Variants in ENTPD1 observed in about 807,000 individuals in gnomAD.
ENTPD1 encodes ATP diphosphohydrolase.
In ENTPD1, 33 loss-of-function variants were observed where a neutral mutation model predicts 57.0. The observed-to-expected ratio is 0.58, with a 90% CI of 0.44 to 0.77. ENTPD1 has a LOEUF of 0.77. Ranked by LOEUF, ENTPD1 falls within the 30% of genes least tolerant of loss-of-function variation. The pLI is 0.00. For synonymous variants in ENTPD1, 202 were observed against 218.8 expected, an observed-to-expected ratio of 0.92 and a Z score of 0.68; for missense variants, 501 against 603.4, an observed-to-expected ratio of 0.83 and a Z score of 1.78.
upstream of ENTPD1, among the ~76,000 whole-genome samples, chr10:95,753,019 A>G (rs760458382): frequency 6.6e-6 from 1 of 152,194 alleles, no homozygotes; most frequent in Non-Finnish European, 1.5e-5. Context: ...GGTACAGTGA[A>G]AGAGGATGAA....
chr10:95,825,873 C>T (rs12782273), intron 2 of ENTPD1, among the ~76,000 whole-genome samples: 17,890 of 152,184 alleles, frequency 0.12, 1,159 homozygotes, highest in Middle Eastern at 0.23. Flanking sequence ...CCACCGTGCC[C>T]GGCTGATACA....
chr10:95,738,637 C>A (rs186021736), intron 1 of ENTPD1, among the ~76,000 whole-genome samples: 10 of 152,272 alleles, frequency 6.6e-5, no homozygotes, highest in Admixed American at 3.3e-4. Context: ...AACCAAGACT[C>A]ACCATAAATA....
chr10:95,868,203 C>A lies in ENTPD1; in HGVS notation c.*1820C>A, dbSNP rs2098476494. ...AAGTCATTTGCCCAAATGGCTGAGC[C>A]AAAGCCTACCATGTACCTAACCTTT... On this transcript the variant is annotated 3_prime_UTR_variant, in exon 10 of 10. Transcript: ENST00000371205. 6 of 985,456 alleles carry A rather than the reference C, an allele frequency of 6.1e-6. No individual in the cohort carries two copies. The highest frequency in any genetic ancestry group is 3.6e-6 in the Non-Finnish European group (3 of 829,936). The allele number at this position is 985,456 out of a possible 1,614,324, so 61.0% of individuals were successfully genotyped here. A position where few individuals can be genotyped will look rare whatever the true frequency, so the allele number is the denominator to read the frequency against.
At chr10:95,786,108 C>T in intron 1 of ENTPD1, among the ~76,000 whole-genome samples, 1 of 152,092 alleles carries the variant, frequency 6.6e-6, no homozygotes, top group East Asian at 1.9e-4. Flanking sequence ...CTCCTGACCC[C>T]TTATGTCCTC....
chr10:95,700,449 G>T, the ENTPD1 span, among the ~76,000 whole-genome samples: 147 of 152,264 alleles, frequency 9.7e-4, no homozygotes, highest in African/African-American at 3.4e-3. Flanking sequence ...CAGGAGGATC[G>T]CTTGAGGCTG....
chr10:95,844,846 G>A, intron 5 of ENTPD1: 1 of 668,562 alleles, frequency 1.5e-6, no homozygotes, highest in Non-Finnish European at 2.6e-6. Context: ...GGGAGAATAA[G>A]GACATGTCTT....
chr10:95,841,162 G>A (rs11188501), intron 3 of ENTPD1, among the ~76,000 whole-genome samples: 40,863 of 151,972 alleles, frequency 0.27, 6,339 homozygotes, highest in Admixed American at 0.38. Flanking sequence ...TGAGGTGGGC[G>A]GATCACAAGG....
chr10:95,752,392 C>G (rs898783241), upstream of ENTPD1, among the ~76,000 whole-genome samples: 1 of 152,144 alleles, frequency 6.6e-6, no homozygotes, highest in African/African-American at 2.4e-5. Flanking sequence ...CAGTGTCTCA[C>G]GCCTGTAATC....
Position 95,873,089 on chromosome 10 carries a change from G to A in ENTPD1, c.*6706G>A, listed in dbSNP as rs1262006760. On this transcript the variant is annotated 3_prime_UTR_variant, in exon 10 of 10. Transcript: ENST00000371205. Reference sequence around the variant, plus strand: ...TTAATTAATATAAATAATTCAGTAGGTCTGGGGTGAGGCCTGAGGTTTTAC... The same window carrying A: ...TTAATTAATATAAATAATTCAGTAGATCTGGGGTGAGGCCTGAGGTTTTAC... The A allele has an allele frequency of 1.1e-6, 1 of 927,844 alleles. No homozygotes were observed. Among genetic ancestry groups the A allele is most frequent in the African/African-American group, 1.8e-5 (1 of 55,920 alleles). The allele number at this position is 927,844 out of a possible 1,614,324, so 57.5% of individuals were successfully genotyped here.
Position 95,869,946 on chromosome 10 carries a change from C to G in ENTPD1, c.*3563C>G. 1.0e-6 allele frequency: 1 copy of G among 985,062 alleles called. No individual in the cohort carries two copies. Among genetic ancestry groups the G allele is most frequent in the Non-Finnish European group, 1.2e-6 (1 of 829,616 alleles). The allele number at this position is 985,062 out of a possible 1,614,324, so 61.0% of individuals were successfully genotyped here. On this transcript the variant is annotated 3_prime_UTR_variant, in exon 10 of 10. Transcript: ENST00000371205. Reference sequence around the variant, plus strand: ...TGTGGCTTGTAGCTACCATACTGGACAGCACATGTCCAAAAAAATACACGT... The same window carrying G: ...TGTGGCTTGTAGCTACCATACTGGAGAGCACATGTCCAAAAAAATACACGT...
chr10:95,761,357 T>G (rs146595880), intron 1 of ENTPD1, among the ~76,000 whole-genome samples: 6 of 152,268 alleles, frequency 3.9e-5, no homozygotes, highest in African/African-American at 1.4e-4. Flanking sequence ...CAGATTCTGA[T>G]CCAATAGCTC....
Position 95,876,554 on chromosome 10 carries a change from C to T in ENTPD1, c.*10171C>T. 8.1e-7 allele frequency: 1 copy of T among 1,230,980 alleles called. No individual in the cohort carries two copies. The highest frequency in any genetic ancestry group is 1.0e-6 in the Non-Finnish European group (1 of 987,468). The allele number at this position is 1,230,980 out of a possible 1,614,324, so 76.3% of individuals were successfully genotyped here. A position where few individuals can be genotyped will look rare whatever the true frequency, so the allele number is the denominator to read the frequency against. The stretch of plus-strand genomic sequence containing the variant: ...TCAACTGAACCATCTTCTTGGAGTA[C>T]TCATGAAGATGGAAGTCTACATGGA... On this transcript the variant is annotated 3_prime_UTR_variant, in exon 10 of 10. Coordinates refer to ENST00000371205, the MANE Select transcript of ENTPD1 (RefSeq NM_001776.6).
intron 1 of ENTPD1, among the ~76,000 whole-genome samples, chr10:95,739,277 T>C (rs2097997794): frequency 6.6e-6 from 1 of 152,196 alleles, no homozygotes; most frequent in African/African-American, 2.4e-5. Context: ...CCACATCAAT[T>C]GACTCTTCCT....
At chr10:95,704,790 A>G in the ENTPD1 span, among the ~76,000 whole-genome samples, 14 of 152,176 alleles carry the variant, frequency 9.2e-5, no homozygotes, top group South Asian at 1.2e-3. Context: ...TCTTGTTAAC[A>G]TTGAGAATTT....
At position 95,847,676 on chromosome 10, in the gene ENTPD1, T is replaced by C; in HGVS notation, c.1044T>C (p.Ile348=). The change falls in exon 7 of 10, where the codon ATT becomes ATC. Residue 348 remains isoleucine, a synonymous_variant. Transcript: ENST00000371205. ...ACTCCCAGTGTGCCTTCAATGGGAT[T>C]TTCTTGCCACCACTCCAGGGGGATT... The part of the protein sequence containing the change: ...CPYSQCAFNG[I]FLPPLQGDFG... 6.2e-7 allele frequency: 1 copy of C among 1,614,240 alleles called. No homozygotes were observed. Among genetic ancestry groups the C allele is most frequent in the Non-Finnish European group, 8.5e-7 (1 of 1,180,042 alleles).
At chr10:95,751,168 A>C (rs2098011389), upstream of ENTPD1, among the ~76,000 whole-genome samples, 1 of 152,210 alleles carries the variant, frequency 6.6e-6, no homozygotes, top group Admixed American at 6.5e-5. Context: ...ACAGGAATTT[A>C]AATTTTATTT....
chr10:95,752,501 C>T (rs1408017367), upstream of ENTPD1, among the ~76,000 whole-genome samples: 1 of 151,934 alleles, frequency 6.6e-6, no homozygotes, highest in Non-Finnish European at 1.5e-5. Context: ...CTACTAAAAA[C>T]ACAAAATTAG....
intron 1 of ENTPD1, among the ~76,000 whole-genome samples, chr10:95,740,227 GTGATTCTC>G (rs2097998909): frequency 6.6e-6 from 1 of 152,208 alleles, no homozygotes; most frequent in Non-Finnish European, 1.5e-5. Flanking sequence ...TTGGGTTCAA[GTGATTCTC>G]GTGCCTCGGC....
In ENTPD1 at chr10:95,807,634, C is replaced by T. The variant is rs547816612; in HGVS notation, c.17-15603C>T. ...CAGACTGGAGCTGTTCCTATTCAGC[C>T]ATCTTGGAATGGATCCTTCTCTGAC... On this transcript the variant is annotated intron_variant, in intron 1 of 9. Transcript: ENST00000371205. 7.3e-4 allele frequency among the ~76,000 whole-genome samples: 111 copies of T among 152,296 alleles called. 1 individual carries two copies. Among genetic ancestry groups the T allele is most frequent in the Non-Finnish European group, 1.3e-3 (88 of 68,020 alleles).
Sources: gnomAD v4.1 joint callset for allele counts (sites outside exome capture counted in the v4.1 genomes callset) on GRCh38, gnomAD v4.1.1 for gene constraint, MANE v1.5 for transcripts, NCBI Gene and HGNC (gene_info 2026-07-23, HGNC 2026-07-21) for gene names.